EHBP1: variants seen among roughly 807,000 people sequenced by gnomAD.
EHBP1 encodes the protein EH domain binding protein 1.
In EHBP1, 55 loss-of-function variants were observed where a neutral mutation model predicts 144.0. The ratio of observed to expected loss-of-function variants is 0.38; its 90% CI spans 0.31 to 0.48. The LOEUF (loss-of-function observed/expected upper bound fraction) is 0.48. Ranked by LOEUF, EHBP1 falls within the 20% of genes least tolerant of loss-of-function variation. EHBP1 has a pLI of 0.98. For synonymous variants in EHBP1, 469 were observed against 472.7 expected, an observed-to-expected ratio of 0.99 and a Z score of 0.10; for missense variants, 1,200 against 1,364.2, an observed-to-expected ratio of 0.88 and a Z score of 1.90.
At chr2:62,997,575 G>A (rs1347752459) in intron 19 of EHBP1, among the ~76,000 whole-genome samples, 1 of 151,734 alleles carries the variant, frequency 6.6e-6, no homozygotes, top group Admixed American at 6.6e-5. Flanking sequence ...AAAAATACAA[G>A]TGGAAAATTT....
intron 10 of EHBP1, among the ~76,000 whole-genome samples, chr2:62,885,358 G>T (rs907774473): frequency 6.6e-6 from 1 of 151,966 alleles, no homozygotes; most frequent in Non-Finnish European, 1.5e-5. Context: ...TCAGACCATT[G>T]ATTTCCATGT....
intron 2 of EHBP1, among the ~76,000 whole-genome samples, chr2:62,728,087 A>G (rs984937523): frequency 1.3e-5 from 2 of 152,228 alleles, no homozygotes; most frequent in Non-Finnish European, 2.9e-5. Flanking sequence ...GTCTGGCCAG[A>G]GGCAACAAGG....
At position 62,943,856 on chromosome 2, in the gene EHBP1, A is replaced by C; in HGVS notation, c.1413+6A>C. 6.3e-7 allele frequency: 1 copy of C among 1,596,554 alleles called. No homozygotes were observed. ...TTAAAGAGAACAACAAAAAGGTAAG[A>C]ATTGATGAGCAAGAAAAATACGTAG... On this transcript the variant is annotated splice_donor_region_variant and intron_variant, in intron 12 of 22. Transcript: ENST00000431489.
intron 19 of EHBP1, among the ~76,000 whole-genome samples, chr2:63,030,537 G>C (rs903923891): frequency 6.6e-6 from 1 of 151,854 alleles, no homozygotes; most frequent in Non-Finnish European, 1.5e-5. Flanking sequence ...GCCCAGGCTG[G>C]AGTGCAGTGG....
chr2:63,028,543 C>T (rs2061087504), intron 19 of EHBP1, among the ~76,000 whole-genome samples: 1 of 151,948 alleles, frequency 6.6e-6, no homozygotes, highest in Non-Finnish European at 1.5e-5. Flanking sequence ...CCTGATACTA[C>T]AGGCATGCTC....
At chr2:62,862,091 A>G (rs1435195272) in intron 8 of EHBP1, among the ~76,000 whole-genome samples, 1 of 152,140 alleles carries the variant, frequency 6.6e-6, no homozygotes, top group Non-Finnish European at 1.5e-5. Flanking sequence ...GAATATTATC[A>G]TGGTATTACA....
chr2:62,920,037 G>A (rs35849680), intron 10 of EHBP1, among the ~76,000 whole-genome samples: 2,831 of 152,184 alleles, frequency 0.019, 38 homozygotes, highest in Non-Finnish European at 0.027. Flanking sequence ...CCCGGGAGTG[G>A]AAAAGACAGA....
intron 8 of EHBP1, 113 bp from the exon 9 acceptor site, chr2:62,864,618 C>T (rs891250441): frequency 2.0e-6 from 2 of 1,005,568 alleles, no homozygotes; most frequent in East Asian, 2.6e-5. Context: ...TGCTCTTTCT[C>T]AGCCCCATAG....
intron 2 of EHBP1, among the ~76,000 whole-genome samples, chr2:62,738,052 A>G (rs969057488): frequency 2.0e-5 from 3 of 152,156 alleles, no homozygotes; most frequent in East Asian, 1.9e-4. Context: ...GGCACGAGCC[A>G]CTGTGCCTGG....
intron 10 of EHBP1, among the ~76,000 whole-genome samples, chr2:62,892,535 C>T (rs1023620577): frequency 9.2e-5 from 14 of 151,962 alleles, no homozygotes; most frequent in Non-Finnish European, 1.6e-4. Context: ...GTAATGTGCA[C>T]TTATGATTTT....
At chr2:62,679,317 A>C (rs777460137) in intron 1 of EHBP1, among the ~76,000 whole-genome samples, 1 of 152,212 alleles carries the variant, frequency 6.6e-6, no homozygotes, top group Non-Finnish European at 1.5e-5. Context: ...TAAGCTTGAC[A>C]ATACCATAGC....
At chr2:62,708,201 A>G (rs543131382) in intron 2 of EHBP1, among the ~76,000 whole-genome samples, 4 of 152,292 alleles carry the variant, frequency 2.6e-5, no homozygotes, top group Non-Finnish European at 2.9e-5. Flanking sequence ...GCTTTATTCT[A>G]GAACTCTTAT....
intron 2 of EHBP1, among the ~76,000 whole-genome samples, chr2:62,745,529 T>C (rs1328095109): frequency 1.3e-5 from 2 of 151,904 alleles, no homozygotes; most frequent in African/African-American, 4.8e-5. Flanking sequence ...ATTGTAACAT[T>C]GCAAAGATGT....
At chr2:62,833,627 C>G (rs2046988246) in intron 7 of EHBP1, among the ~76,000 whole-genome samples, 1 of 152,176 alleles carries the variant, frequency 6.6e-6, no homozygotes, top group African/African-American at 2.4e-5. Flanking sequence ...TAGTACACTC[C>G]CTGAAAAAAC....
At chr2:62,998,417 T>C (rs1290992947) in intron 19 of EHBP1, among the ~76,000 whole-genome samples, 1 of 152,222 alleles carries the variant, frequency 6.6e-6, no homozygotes, top group Non-Finnish European at 1.5e-5. Context: ...TAATATATTT[T>C]TAACTATTTC....
chr2:62,849,142 A>G (rs2048502419), intron 7 of EHBP1, among the ~76,000 whole-genome samples: 1 of 152,020 alleles, frequency 6.6e-6, no homozygotes, highest in Non-Finnish European at 1.5e-5. Flanking sequence ...GGAAGTGACT[A>G]TGTAACTTCC....
intron 7 of EHBP1, among the ~76,000 whole-genome samples, chr2:62,836,950 C>T (rs1383017784): frequency 8.4e-6 from 1 of 119,752 alleles, no homozygotes; most frequent in Non-Finnish European, 1.7e-5. Context: ...CCCAATCTAG[C>T]AAGGCAGGCC....
At chr2:62,981,865 C>A (rs1001005135) in intron 15 of EHBP1, among the ~76,000 whole-genome samples, 4 of 152,194 alleles carry the variant, frequency 2.6e-5, no homozygotes, top group African/African-American at 9.7e-5. Flanking sequence ...CCTGAGGAGT[C>A]AGGTTTCTTA....
At position 62,891,158 on chromosome 2, in the gene EHBP1, C is replaced by CA. The variant is rs34477729; in HGVS notation, c.1185+16642dup. ...CGCCATTGCACTCCAGCCTGGGCGA[C>CA]AAAAAAAAAAAAAAAAGTCTCTATA... On this transcript the variant is annotated intron_variant, in intron 10 of 22. Transcript: ENST00000431489. 7.2e-3 allele frequency among the ~76,000 whole-genome samples: 472 copies of CA among 66,000 alleles called. 1 individual carries two copies. Among genetic ancestry groups the CA allele is most frequent in the African/African-American group, 0.024 (345 of 14,278 alleles). The allele number at this position is 66,000 out of a possible 152,430, so 43.3% of individuals were successfully genotyped here.
Sources: allele counts gnomAD v4.1 joint callset (sites outside exome capture counted in the v4.1 genomes callset), GRCh38; gene constraint gnomAD v4.1.1; transcripts MANE v1.5; gene names NCBI Gene and HGNC (gene_info 2026-07-23, HGNC 2026-07-21).